NSL1: variants seen among roughly 807,000 people sequenced by gnomAD.
NSL1 encodes kinetochore-associated protein NSL1 homolog.
NSL1 carries 11 observed loss-of-function variants against 25.4 expected under a neutral mutation model. That is an observed-to-expected ratio of 0.43 (90% CI 0.27 to 0.72). The LOEUF (loss-of-function observed/expected upper bound fraction) is 0.72, where lower values mean the gene tolerates loss of function less well. NSL1 is among the 30% of genes least tolerant of loss of function. The probability of loss-of-function intolerance (pLI) is 0.19; values close to 1 mark genes in which losing one functional copy is unlikely to be tolerated. For missense variants in NSL1, 330 were observed against 342.7 expected (o/e 0.96, Z 0.29); for synonymous variants, 118 against 120.6 (o/e 0.98, Z 0.14).
In NSL1 at chr1:212,736,713, A is replaced by C. The variant is rs1384905888; in HGVS notation, c.*1695T>G. On this transcript the variant is annotated 3_prime_UTR_variant, in exon 6 of 6. Transcript: ENST00000366977. The stretch of plus-strand genomic sequence containing the variant: ...TATAACCATTTTTTAAAAACTTATA[A>C]AAATTTCCAACACAAAGTAGAATAT... 4 of 984,608 alleles carry C rather than the reference A, an allele frequency of 4.1e-6. No individual in the cohort carries two copies. The highest frequency in any genetic ancestry group is 4.8e-6 in the Non-Finnish European group (4 of 829,194). 61.0% of individuals were successfully genotyped at this position (984,608 alleles called of 1,614,324 possible).
intron 4 of NSL1, among the ~76,000 whole-genome samples, chr1:212,772,008 A>C (rs1431213154): frequency 6.6e-6 from 1 of 152,128 alleles, no homozygotes; most frequent in Non-Finnish European, 1.5e-5. Context: ...ACAGTGAATA[A>C]ATTCTCATGA....
intron 1 of NSL1, among the ~76,000 whole-genome samples, chr1:212,790,547 C>T (rs897773191): frequency 6.6e-6 from 1 of 151,846 alleles, no homozygotes; most frequent in African/African-American, 2.4e-5. Context: ...CACCAATCTA[C>T]TTATATTAGC....
intron 4 of NSL1, among the ~76,000 whole-genome samples, chr1:212,773,583 G>A (rs1660221777): frequency 6.6e-6 from 1 of 152,084 alleles, no homozygotes; most frequent in Admixed American, 6.5e-5. Context: ...GACATTGTTG[G>A]TCAGAATGTA....
chr1:212,761,956 T>C (rs1220400542), intron 4 of NSL1, among the ~76,000 whole-genome samples: 3 of 124,882 alleles, frequency 2.4e-5, no homozygotes, highest in Non-Finnish European at 4.9e-5. Flanking sequence ...GTAACACTAA[T>C]GACAGCTGAT....
At position 212,729,263 on chromosome 1, in the gene NSL1, C is replaced by T. The variant is rs1657909429; in HGVS notation, c.*9145G>A. 8 of 985,404 alleles carry T rather than the reference C, an allele frequency of 8.1e-6. No homozygotes were observed. In the South Asian group the frequency reaches 3.8e-4, roughly 46 times the overall value. The allele number at this position is 985,404 out of a possible 1,614,324, so 61.0% of individuals were successfully genotyped here. ...GGTTTGCTTGGGCTCCTAGCCTCTC[C>T]CTCAGCTCCCTCTTTTCCCTCTAAT... On this transcript the variant is annotated 3_prime_UTR_variant, in exon 6 of 6. Coordinates refer to ENST00000366977, the MANE Select transcript of NSL1 (RefSeq NM_015471.4).
At position 212,728,851 on chromosome 1, in the gene NSL1, G is replaced by A. The variant is rs750729741; in HGVS notation, c.*9557C>T. ...GAGAAAATTAAGTCTAGTGTTTGCA[G>A]GAGGGCAAGACTGGGAGTGCTGGGG... On this transcript the variant is annotated 3_prime_UTR_variant, in exon 6 of 6. Transcript: ENST00000366977. 2.0e-6 allele frequency: 2 copies of A among 985,270 alleles called. No individual in the cohort carries two copies. Among genetic ancestry groups the A allele is most frequent in the Non-Finnish European group, 2.4e-6 (2 of 829,934 alleles). 61.0% of individuals were successfully genotyped at this position (985,270 alleles called of 1,614,324 possible).
intron 4 of NSL1, among the ~76,000 whole-genome samples, chr1:212,746,153 T>TTGTGAC (rs1658783526): frequency 1.3e-5 from 2 of 152,190 alleles, no homozygotes; most frequent in South Asian, 4.1e-4. Flanking sequence ...AAAAGTTAGT[T>TTGTGAC]TGTGACGTCT....
In NSL1 at chr1:212,731,890, C is replaced by T; in HGVS notation, c.*6518G>A. 1 of 985,432 alleles carries T rather than the reference C, an allele frequency of 1.0e-6. No individual in the cohort carries two copies. The highest frequency in any genetic ancestry group is 4.7e-5 in the South Asian group (1 of 21,288). The allele number at this position is 985,432 out of a possible 1,614,324, so 61.0% of individuals were successfully genotyped here. Reference sequence around the variant, plus strand: ...AGCTCCATGTCCTGGGACACCCTACCCTGCCCCAGGACCCAGCAGCTATAA... The same window carrying T: ...AGCTCCATGTCCTGGGACACCCTACTCTGCCCCAGGACCCAGCAGCTATAA... On this transcript the variant is annotated 3_prime_UTR_variant, in exon 6 of 6. Transcript: ENST00000366977.
chr1:212,760,064 A>AGG lies in NSL1; in HGVS notation c.500-20464_500-20463insCC, dbSNP rs1050260367. On this transcript the variant is annotated intron_variant, in intron 4 of 5. Coordinates refer to ENST00000366977, the MANE Select transcript of NSL1 (RefSeq NM_015471.4). The surrounding 1 kb of genome is among the most constrained non-coding windows in gnomAD (Gnocchi z 4.3). ...AGCACATCAAGACAACAGACCACCA[A>AGG]GACAACAGACCATCGCCAGTGCCCA... Among the ~76,000 whole-genome samples, 16 of 151,954 alleles carry AGG rather than the reference A, an allele frequency of 1.1e-4. No individual in the cohort carries two copies. The highest frequency in any genetic ancestry group is 3.9e-4 in the African/African-American group (16 of 41,348).
intron 4 of NSL1, among the ~76,000 whole-genome samples, chr1:212,761,126 T>C (rs1205214818): frequency 1.3e-5 from 2 of 152,182 alleles, no homozygotes; most frequent in Non-Finnish European, 2.9e-5. Context: ...AATCTAAAAA[T>C]CTGAAAGAAG....
chr1:212,761,602 C>T (rs1659567867), intron 4 of NSL1, among the ~76,000 whole-genome samples: 1 of 151,806 alleles, frequency 6.6e-6, no homozygotes, highest in Non-Finnish European at 1.5e-5. Flanking sequence ...CCACTGCACT[C>T]CAGCCTGGGA....
chr1:212,782,285 G>A (rs1301550778), intron 4 of NSL1, 87 bp downstream of exon 4: 2 of 916,214 alleles, frequency 2.2e-6, no homozygotes, highest in East Asian at 4.8e-5. Flanking sequence ...GAATATCCTT[G>A]ATGCTGACCC....
rs895802064 is a variant in NSL1 at position 212,731,109 on chromosome 1, G to C, written c.*7299C>G. On this transcript the variant is annotated 3_prime_UTR_variant, in exon 6 of 6. Coordinates refer to ENST00000366977, the MANE Select transcript of NSL1 (RefSeq NM_015471.4). ...AAAATCCCCAAGAACCCCCTTCAGT[G>C]GTTCTCTAGAGAGATATTTTTTTCT... The C allele has an allele frequency of 1.0e-6, 1 of 984,520 alleles. No individual in the cohort carries two copies. The highest frequency in any genetic ancestry group is 1.8e-5 in the African/African-American group (1 of 57,026). 61.0% of individuals were successfully genotyped at this position (984,520 alleles called of 1,614,324 possible). A position where few individuals can be genotyped will look rare whatever the true frequency, so the allele number is the denominator to read the frequency against.
intron 4 of NSL1, among the ~76,000 whole-genome samples, chr1:212,739,955 A>G (rs1658428946): frequency 6.6e-6 from 1 of 152,196 alleles, no homozygotes; most frequent in Non-Finnish European, 1.5e-5. Flanking sequence ...GAATTTTATA[A>G]AAGTAACACA....
intron 4 of NSL1, among the ~76,000 whole-genome samples, chr1:212,762,306 CAA>C (rs71147025): frequency 0.045 from 5,124 of 114,708 alleles, 107 homozygotes; most frequent in Admixed American, 0.061. Context: ...TTAAAAGAAA[CAA>C]AAAAAAAAAA....
intron 4 of NSL1, among the ~76,000 whole-genome samples, chr1:212,764,970 A>G (rs1659739961): frequency 6.6e-6 from 1 of 151,810 alleles, no homozygotes; most frequent in Non-Finnish European, 1.5e-5. Flanking sequence ...TATGTGCACA[A>G]ACTACAAAAT....
intron 4 of NSL1, among the ~76,000 whole-genome samples, chr1:212,763,319 T>C (rs1376891274): frequency 6.6e-6 from 1 of 151,958 alleles, no homozygotes; most frequent in Non-Finnish European, 1.5e-5. Context: ...GAAATGCACC[T>C]ATATAGAACC....
chr1:212,752,404 C>T (rs935887017), intron 4 of NSL1, among the ~76,000 whole-genome samples: 35 of 152,094 alleles, frequency 2.3e-4, no homozygotes, highest in African/African-American at 8.0e-4. Context: ...AGGAAAGAAG[C>T]GGAACTGCCT....
chr1:212,776,538 G>A (rs1484308962), intron 4 of NSL1, among the ~76,000 whole-genome samples: 3 of 151,654 alleles, frequency 2.0e-5, no homozygotes, highest in Admixed American at 2.0e-4. Context: ...CTGGGTGACA[G>A]AGCGAGACTA....
Sources: gnomAD v4.1 joint callset for allele counts (sites outside exome capture counted in the v4.1 genomes callset) on GRCh38, gnomAD v4.1.1 for gene constraint, Gnocchi (gnomAD v3.1) non-coding constraint, MANE v1.5 for transcripts, NCBI Gene and HGNC (gene_info 2026-07-23, HGNC 2026-07-21) for gene names.